Variants in GRID1 observed in about 807,000 individuals in gnomAD.
GRID1 encodes the protein glutamate receptor ionotropic, delta-1.
GRID1 carries 28 observed loss-of-function variants against 98.0 expected under a neutral mutation model. The ratio of observed to expected loss-of-function variants is 0.29; its 90% CI spans 0.21 to 0.39. The LOEUF is 0.39. GRID1 is among the 10% of genes least tolerant of loss of function. The pLI is 1.00. For synonymous variants in GRID1, 553 were observed against 538.5 expected (o/e 1.03, Z -0.37); for missense variants, 1,111 against 1,340.5 (o/e 0.83, Z 2.67).
chr10:86,135,160 T>C (rs979954250), intron 4 of GRID1, among the ~76,000 whole-genome samples: 1 of 152,328 alleles, frequency 6.6e-6, no homozygotes, highest in Admixed American at 6.5e-5. Context: ...AGGAAGCTGA[T>C]GGGCTTGCAT....
At chr10:85,796,226 T>A (rs1359396757) in intron 8 of GRID1, among the ~76,000 whole-genome samples, 2 of 152,156 alleles carry the variant, frequency 1.3e-5, no homozygotes, top group East Asian at 3.9e-4. Flanking sequence ...TTTGACAGGC[T>A]CAAAGAAGAC....
chr10:86,293,512 A>C (rs1847545406), intron 2 of GRID1, among the ~76,000 whole-genome samples: 1 of 152,212 alleles, frequency 6.6e-6, no homozygotes, highest in Admixed American at 6.5e-5. Flanking sequence ...AGCCATTTAC[A>C]TGTTAAAGAC....
intron 6 of GRID1, among the ~76,000 whole-genome samples, chr10:85,859,922 T>TTC (rs1244486784): frequency 6.6e-6 from 1 of 152,176 alleles, no homozygotes; most frequent in East Asian, 1.9e-4. Context: ...GAAAGGCAGT[T>TTC]TATGCTTGGG....
At chr10:86,165,696 G>T (rs1192867728) in intron 3 of GRID1, among the ~76,000 whole-genome samples, 1 of 152,234 alleles carries the variant, frequency 6.6e-6, no homozygotes, top group African/African-American at 2.4e-5. Context: ...AGATCAAGGT[G>T]AGTGGCCATC....
chr10:85,764,240 C>T (rs1008574252), intron 8 of GRID1, among the ~76,000 whole-genome samples: 2 of 152,146 alleles, frequency 1.3e-5, no homozygotes, highest in Admixed American at 6.5e-5. Context: ...GGCTGCCAAG[C>T]ACTGACTTCC....
At chr10:85,779,575 A>G (rs1361600095) in intron 8 of GRID1, among the ~76,000 whole-genome samples, 1 of 152,160 alleles carries the variant, frequency 6.6e-6, no homozygotes, top group Non-Finnish European at 1.5e-5. Context: ...CTCCCGGCCC[A>G]GGCTGGGCTT....
chr10:86,215,349 C>T (rs74149229), intron 2 of GRID1, among the ~76,000 whole-genome samples: 3,919 of 152,302 alleles, frequency 0.026, 191 homozygotes, highest in African/African-American at 0.089. Flanking sequence ...CTGGCAGCAC[C>T]ATGGGATCTC....
At chr10:85,974,141 C>G (rs1842442033) in intron 4 of GRID1, among the ~76,000 whole-genome samples, 1 of 152,192 alleles carries the variant, frequency 6.6e-6, no homozygotes, top group Admixed American at 6.5e-5. Flanking sequence ...CTTGCATGCT[C>G]ACTTTTGCCA....
At chr10:85,648,915 A>G (rs11201713) in intron 12 of GRID1, among the ~76,000 whole-genome samples, 10,634 of 152,180 alleles carry the variant, frequency 0.07, 502 homozygotes, top group African/African-American at 0.13. Context: ...CCAATTGCCT[A>G]CCTTGCCTGT....
chr10:86,190,863 CAT>C (rs899820044), intron 3 of GRID1, among the ~76,000 whole-genome samples: 8 of 151,856 alleles, frequency 5.3e-5, no homozygotes, highest in Non-Finnish European at 1.0e-4. Context: ...TCTATGTGCA[CAT>C]GTGTGCATAG....
intron 3 of GRID1, among the ~76,000 whole-genome samples, chr10:86,194,794 G>C (rs1845849945): frequency 6.6e-6 from 1 of 151,922 alleles, no homozygotes; most frequent in Non-Finnish European, 1.5e-5. Flanking sequence ...CACCCCAACA[G>C]GACTGCACTC....
chr10:85,880,118 T>G (rs1178828988), intron 5 of GRID1, among the ~76,000 whole-genome samples: 6 of 152,104 alleles, frequency 3.9e-5, no homozygotes, highest in South Asian at 2.1e-4. Context: ...TCTGAAATTG[T>G]GGCAATAATC....
intron 6 of GRID1, among the ~76,000 whole-genome samples, chr10:85,857,992 CA>C (rs1450472724): frequency 6.6e-6 from 1 of 152,206 alleles, no homozygotes; most frequent in Non-Finnish European, 1.5e-5. Context: ...TGAGATGAGC[CA>C]ATAGGAGGTG....
intron 12 of GRID1, among the ~76,000 whole-genome samples, chr10:85,667,128 T>C (rs1041511315): frequency 1.2e-4 from 18 of 152,268 alleles, no homozygotes; most frequent in Admixed American, 9.8e-4. Flanking sequence ...AAGACCTCGC[T>C]CTCTGCGGTT....
At chr10:86,144,718 C>A (rs904494744) in intron 3 of GRID1, among the ~76,000 whole-genome samples, 1 of 152,166 alleles carries the variant, frequency 6.6e-6, no homozygotes, top group Non-Finnish European at 1.5e-5. Flanking sequence ...TCTGCTCCCA[C>A]CCGCTCCCCT....
At chr10:85,797,591 A>G (rs1178749045) in intron 8 of GRID1, among the ~76,000 whole-genome samples, 1 of 147,542 alleles carries the variant, frequency 6.8e-6, no homozygotes, top group Non-Finnish European at 1.5e-5. Context: ...CACCACACCC[A>G]CTGGGGGCTA....
rs1842553742 is a variant in GRID1, at chr10:85,600,108, C to T, written c.*2165G>A. The T allele has an allele frequency of 6.6e-6, 1 of 152,030 alleles. No homozygotes were observed. Among genetic ancestry groups the T allele is most frequent in the Non-Finnish European group, 1.5e-5 (1 of 67,974 alleles). 9.4% of individuals were successfully genotyped at this position (152,030 alleles called of 1,614,324 possible). ...GTTGGTGTGAGATAAGGCAGTGAGACCAGAGTTTGATTAAAAAAATAGAGA... is the reference window on the plus strand; with the variant it reads ...GTTGGTGTGAGATAAGGCAGTGAGATCAGAGTTTGATTAAAAAAATAGAGA... On this transcript the variant is annotated 3_prime_UTR_variant, in exon 16 of 16. Transcript: ENST00000327946.
chr10:85,973,423 C>G (rs1489815335), intron 4 of GRID1, among the ~76,000 whole-genome samples: 1 of 152,040 alleles, frequency 6.6e-6, no homozygotes, highest in African/African-American at 2.4e-5. Flanking sequence ...CATTACAAAT[C>G]CTTCTTTTCT....
intron 4 of GRID1, among the ~76,000 whole-genome samples, chr10:85,930,073 T>G (rs1233863823): frequency 6.6e-6 from 1 of 152,212 alleles, no homozygotes; most frequent in Non-Finnish European, 1.5e-5. Flanking sequence ...ATTATTTCCT[T>G]GCTTATACAA....
Sources: allele counts gnomAD v4.1 joint callset (sites outside exome capture counted in the v4.1 genomes callset), GRCh38; gene constraint gnomAD v4.1.1; transcripts MANE v1.5; gene names NCBI Gene and HGNC (gene_info 2026-07-23, HGNC 2026-07-21).